The following GHR variants were observed in gnomAD, a reference collection of about 807,000 sequenced individuals.
GHR encodes growth hormone receptor.
Under a neutral mutation model 67.1 loss-of-function variants are expected in GHR, and 35 were observed. The ratio of observed to expected loss-of-function variants is 0.52; its 90% CI spans 0.40 to 0.69. GHR has a LOEUF of 0.69. Among genes scored for constraint, GHR ranks in the 30% least tolerant of loss-of-function variants. GHR has a pLI of 0.00. For missense variants in GHR, 792 were observed against 764.6 expected, an observed-to-expected ratio of 1.04 and a Z score of -0.42; for synonymous variants, 272 against 269.1, an observed-to-expected ratio of 1.01 and a Z score of -0.10.
intron 1 of GHR, among the ~76,000 whole-genome samples, chr5:42,442,741 A>G (rs1743630680): frequency 6.6e-6 from 1 of 152,214 alleles, no homozygotes; most frequent in Non-Finnish European, 1.5e-5. Flanking sequence ...TATAACTGTT[A>G]TTAAGACTAT....
intron 1 of GHR, among the ~76,000 whole-genome samples, chr5:42,475,754 GGAGA>G (rs1275529223): frequency 6.6e-6 from 1 of 152,020 alleles, no homozygotes; most frequent in Non-Finnish European, 1.5e-5. Context: ...AATGTGATGG[GGAGA>G]GTGAGAGTAA....
intron 2 of GHR, among the ~76,000 whole-genome samples, chr5:42,613,403 T>C (rs1752982906): frequency 6.6e-6 from 1 of 152,170 alleles, no homozygotes; most frequent in African/African-American, 2.4e-5. Context: ...CTCACAACCC[T>C]TGCCTCTTAA....
In GHR at chr5:42,718,433, A is replaced by G. The variant is rs749747629; in HGVS notation, c.946-20A>G. 2 of 1,568,262 alleles carry G rather than the reference A, an allele frequency of 1.3e-6. No homozygotes were observed. Among genetic ancestry groups the G allele is most frequent in the Non-Finnish European group, 1.8e-6 (2 of 1,139,784 alleles). ...TATGAGTTTCTTTTCATAGATCTTC[A>G]TTTTCTTTCTATTTTCTAGGAAGGA... is the stretch of plus-strand genomic sequence containing the variant. On this transcript the variant is annotated intron_variant, in intron 9 of 9. Coordinates refer to ENST00000230882, the MANE Select transcript of GHR (RefSeq NM_000163.5).
At chr5:42,681,732 C>T (rs113029154) in intron 3 of GHR, among the ~76,000 whole-genome samples, 2,640 of 151,994 alleles carry the variant, frequency 0.017, 136 homozygotes, top group South Asian at 0.15. Flanking sequence ...TTCAGGAGAT[C>T]GAGACCATCC....
chr5:42,476,544 T>A (rs575365619), intron 1 of GHR, among the ~76,000 whole-genome samples: 1 of 152,330 alleles, frequency 6.6e-6, no homozygotes, highest in Admixed American at 6.5e-5. Flanking sequence ...AATAGCAAAT[T>A]CTTAAAAATA....
intron 1 of GHR, among the ~76,000 whole-genome samples, chr5:42,438,222 C>T (rs1743417809): frequency 6.6e-6 from 1 of 152,178 alleles, no homozygotes; most frequent in Admixed American, 6.5e-5. Context: ...CCTAATTGTA[C>T]ACTTGGTGAA....
At chr5:42,515,359 C>G (rs963685565) in intron 1 of GHR, among the ~76,000 whole-genome samples, 2 of 152,240 alleles carry the variant, frequency 1.3e-5, no homozygotes, top group African/African-American at 4.8e-5. Flanking sequence ...CCAATATACT[C>G]TCTTCCTGTC....
chr5:42,481,743 T>C (rs901980618), intron 1 of GHR, among the ~76,000 whole-genome samples: 3 of 152,226 alleles, frequency 2.0e-5, no homozygotes, highest in Non-Finnish European at 2.9e-5. Context: ...TCAGGTCCTT[T>C]AAGGACTTCT....
chr5:42,474,623 A>G (rs1745213610), intron 1 of GHR, among the ~76,000 whole-genome samples: 1 of 152,176 alleles, frequency 6.6e-6, no homozygotes, highest in Non-Finnish European at 1.5e-5. Flanking sequence ...AACAACAACA[A>G]CAACAAAAAA....
chr5:42,612,036 AAGGTTAGAGCTATGTC>A (rs1305297474), intron 2 of GHR, among the ~76,000 whole-genome samples: 1 of 152,156 alleles, frequency 6.6e-6, no homozygotes, highest in East Asian at 1.9e-4. Context: ...ATGATTTTGG[AAGGTTAGAGCTATGTC>A]TGTATCCAGC....
At position 42,680,781 on chromosome 5, in the gene GHR, A is replaced by G. The variant is rs536240160; in HGVS notation, c.137-8109A>G. 9.2e-4 allele frequency among the ~76,000 whole-genome samples: 140 copies of G among 152,262 alleles called. 1 individual carries two copies. Among genetic ancestry groups the G allele is most frequent in the Admixed American group, 2.4e-3 (37 of 15,298 alleles). On this transcript the variant is annotated intron_variant, in intron 3 of 9. Transcript: ENST00000230882. ...CAGCCTCCCAAAGTGCTGGAATTAC[A>G]GGTGTGAGCCACTGCTCCCAGCCCC...
At chr5:42,698,295 G>A (rs921921520) in intron 5 of GHR, among the ~76,000 whole-genome samples, 2 of 152,042 alleles carry the variant, frequency 1.3e-5, no homozygotes, top group African/African-American at 4.8e-5. Flanking sequence ...TTTTCCAAAA[G>A]GACCTTGTCT....
intron 2 of GHR, among the ~76,000 whole-genome samples, chr5:42,583,569 GA>G (rs1561143048): frequency 6.6e-6 from 1 of 152,150 alleles, no homozygotes; most frequent in African/African-American, 2.4e-5. Flanking sequence ...GATGTCTACA[GA>G]CTACAGCTAT....
intron 2 of GHR, among the ~76,000 whole-genome samples, chr5:42,578,386 T>C (rs1367676464): frequency 6.6e-6 from 1 of 152,168 alleles, no homozygotes; most frequent in Non-Finnish European, 1.5e-5. Flanking sequence ...TTCTTTTCAT[T>C]TGTTACTCAT....
intron 1 of GHR, among the ~76,000 whole-genome samples, chr5:42,470,102 CAAT>C (rs1409978641): frequency 2.8e-5 from 4 of 144,460 alleles, no homozygotes; most frequent in Non-Finnish European, 6.0e-5. Flanking sequence ...TATTATATGT[CAAT>C]AATAAAATAT....
intron 6 of GHR, among the ~76,000 whole-genome samples, chr5:42,708,057 C>T (rs1758265923): frequency 6.6e-6 from 1 of 152,146 alleles, no homozygotes; most frequent in South Asian, 2.1e-4. Context: ...CTCCCTTTAG[C>T]AGTTCTTGTA....
At chr5:42,516,815 C>T (rs1208375796) in intron 1 of GHR, among the ~76,000 whole-genome samples, 2 of 152,196 alleles carry the variant, frequency 1.3e-5, no homozygotes. Flanking sequence ...GGCCAGTTGC[C>T]TCATGTCCTC....
chr5:42,509,270 T>C (rs1156684793), intron 1 of GHR, among the ~76,000 whole-genome samples: 1 of 152,150 alleles, frequency 6.6e-6, no homozygotes, highest in Non-Finnish European at 1.5e-5. Flanking sequence ...GCATGGGCCC[T>C]AACCTCACTG....
chr5:42,700,267 G>T (rs1337291408), intron 6 of GHR, among the ~76,000 whole-genome samples: 1 of 152,152 alleles, frequency 6.6e-6, no homozygotes, highest in Non-Finnish European at 1.5e-5. Flanking sequence ...TTTAACTTTA[G>T]AGCAAAATTA....
Sources: allele counts gnomAD v4.1 joint callset (sites outside exome capture counted in the v4.1 genomes callset), GRCh38; gene constraint gnomAD v4.1.1; transcripts MANE v1.5; gene names NCBI Gene and HGNC (gene_info 2026-07-23, HGNC 2026-07-21).